Variants in RNF169 observed in about 807,000 individuals in gnomAD.
RNF169 encodes ring finger protein 169.
Under a neutral mutation model 53.9 loss-of-function variants are expected in RNF169, and 24 were observed. The ratio of observed to expected loss-of-function variants is 0.45; its 90% CI spans 0.32 to 0.63. The LOEUF (loss-of-function observed/expected upper bound fraction) is 0.63, where lower values mean the gene tolerates loss of function less well. Among genes scored for constraint, RNF169 ranks in the 20% least tolerant of loss-of-function variants. The probability of loss-of-function intolerance (pLI) is 0.04; values close to 1 mark genes in which losing one functional copy is unlikely to be tolerated. For synonymous variants in RNF169, 396 were observed against 363.5 expected (o/e 1.09, Z -1.02); for missense variants, 883 against 906.2 (o/e 0.97, Z 0.33).
chr11:74,753,577 T>C lies in RNF169; in HGVS notation c.502+4195T>C, dbSNP rs554022984. Among the ~76,000 whole-genome samples, 7 of 152,354 alleles carry C rather than the reference T, an allele frequency of 4.6e-5. No individual in the cohort carries two copies. In the South Asian group the frequency reaches 1.4e-3, roughly 32 times the overall value. ...AACAGCAATTACTTTTGTACCAGCCTAATAGCAATTTTAGTAATATTCAGA... is the reference window on the plus strand; with the variant it reads ...AACAGCAATTACTTTTGTACCAGCCCAATAGCAATTTTAGTAATATTCAGA... On this transcript the variant is annotated intron_variant, in intron 1 of 5. Coordinates refer to ENST00000299563, the MANE Select transcript of RNF169 (RefSeq NM_001098638.2).
At chr11:74,774,587 A>G (rs892994923) in intron 1 of RNF169, among the ~76,000 whole-genome samples, 3 of 152,098 alleles carry the variant, frequency 2.0e-5, no homozygotes, top group East Asian at 3.9e-4. Context: ...TGGTGACTTT[A>G]TTAAGAGCAG....
intron 1 of RNF169, among the ~76,000 whole-genome samples, chr11:74,750,865 G>GTT (rs35173529): frequency 0.014 from 835 of 60,164 alleles, 157 homozygotes; most frequent in African/African-American, 0.019. Flanking sequence ...GCCTCCCAAG[G>GTT]TTTTTTTTTT....
intron 2 of RNF169, among the ~76,000 whole-genome samples, chr11:74,801,545 A>G (rs2035729213): frequency 6.6e-6 from 1 of 152,202 alleles, no homozygotes; most frequent in African/African-American, 2.4e-5. Context: ...ACCAGCTTGT[A>G]TTATATTCCT....
At chr11:74,785,873 A>C (rs1011059658) in intron 1 of RNF169, among the ~76,000 whole-genome samples, 1 of 152,148 alleles carries the variant, frequency 6.6e-6, no homozygotes, top group Non-Finnish European at 1.5e-5. Context: ...TTAATATCCC[A>C]AAGTGAATTT....
At chr11:74,830,999 A>G (rs900466518) in intron 4 of RNF169, 1 of 152,166 alleles carries the variant, frequency 6.6e-6, no homozygotes, top group African/African-American at 2.4e-5. Flanking sequence ...AAATAAGAGA[A>G]CTTCAGTCTT....
chr11:74,818,467 A>G (rs1004053601), intron 4 of RNF169, among the ~76,000 whole-genome samples: 2 of 151,890 alleles, frequency 1.3e-5, no homozygotes, highest in African/African-American at 4.8e-5. Context: ...ATCATGGTTC[A>G]CTGTAGCCTC....
intron 2 of RNF169, among the ~76,000 whole-genome samples, chr11:74,790,582 C>T (rs764401806): frequency 6.6e-5 from 10 of 152,164 alleles, no homozygotes; most frequent in East Asian, 3.9e-4. Flanking sequence ...GTGCTCAGCT[C>T]GCACTACCAG....
chr11:74,761,991 C>T (rs1259824976), intron 1 of RNF169, among the ~76,000 whole-genome samples: 41 of 145,178 alleles, frequency 2.8e-4, no homozygotes, highest in Non-Finnish European at 4.9e-4. Flanking sequence ...TTCTTGGAGG[C>T]TTTGCTCATT....
chr11:74,814,947 TTTA>T (rs1239995105), intron 3 of RNF169, among the ~76,000 whole-genome samples: 1 of 152,198 alleles, frequency 6.6e-6, no homozygotes, highest in Non-Finnish European at 1.5e-5. Context: ...AAGGTTTATA[TTTA>T]TTATAGGTTT....
At chr11:74,829,379 TC>T (rs2135145103) in intron 4 of RNF169, among the ~76,000 whole-genome samples, 1 of 152,328 alleles carries the variant, frequency 6.6e-6, no homozygotes, top group Admixed American at 6.5e-5. Flanking sequence ...AAGGAACACT[TC>T]TACATTGTTG....
At chr11:74,761,505 T>C (rs1245723431) in intron 1 of RNF169, among the ~76,000 whole-genome samples, 1 of 150,392 alleles carries the variant, frequency 6.6e-6, no homozygotes, top group East Asian at 2.0e-4. Context: ...AGGGCAGGCC[T>C]GGTGGTGACA....
intron 4 of RNF169, among the ~76,000 whole-genome samples, chr11:74,825,040 A>G (rs1157728612): frequency 6.6e-6 from 1 of 152,222 alleles, no homozygotes; most frequent in Non-Finnish European, 1.5e-5. Flanking sequence ...ACAGTAAACA[A>G]GAGAGCTGGA....
At chr11:74,761,518 ATC>A (rs1350509260) in intron 1 of RNF169, among the ~76,000 whole-genome samples, 1 of 146,254 alleles carries the variant, frequency 6.8e-6, no homozygotes, top group African/African-American at 2.5e-5. Flanking sequence ...TGGTGACAAA[ATC>A]TCTCAGCATT....
At chr11:74,827,623 G>A (rs2036117684) in intron 4 of RNF169, among the ~76,000 whole-genome samples, 1 of 152,020 alleles carries the variant, frequency 6.6e-6, no homozygotes, top group African/African-American at 2.4e-5. Context: ...GATGAGATTT[G>A]GGTGGGGACA....
At chr11:74,799,187 TTC>T (rs2035694545) in intron 2 of RNF169, among the ~76,000 whole-genome samples, 1 of 151,858 alleles carries the variant, frequency 6.6e-6, no homozygotes, top group Non-Finnish European at 1.5e-5. Flanking sequence ...GCATATCTCT[TTC>T]TAGAACCAGA....
chr11:74,827,676 G>GTA (rs1565187439), intron 4 of RNF169, among the ~76,000 whole-genome samples: 1 of 151,996 alleles, frequency 6.6e-6, no homozygotes, highest in African/African-American at 2.4e-5. Flanking sequence ...GTGGTTCAGC[G>GTA]TAGGCAAATC....
chr11:74,766,470 A>G (rs999359815), intron 1 of RNF169, among the ~76,000 whole-genome samples: 1 of 152,198 alleles, frequency 6.6e-6, no homozygotes, highest in Non-Finnish European at 1.5e-5. Context: ...TGCCGGCTGG[A>G]TATTTGTTGG....
intron 1 of RNF169, among the ~76,000 whole-genome samples, chr11:74,778,204 T>C (rs2035364773): frequency 6.6e-6 from 1 of 152,240 alleles, no homozygotes; most frequent in Non-Finnish European, 1.5e-5. Flanking sequence ...GCATTATAAA[T>C]GTTTTGGGGA....
chr11:74,761,820 C>G (rs1246900963), intron 1 of RNF169, among the ~76,000 whole-genome samples: 39 of 145,556 alleles, frequency 2.7e-4, no homozygotes, highest in African/African-American at 9.8e-4. Context: ...TTGTGGCGTT[C>G]TCTGTATTTC....
Sources: gnomAD v4.1 joint callset for allele counts (sites outside exome capture counted in the v4.1 genomes callset) on GRCh38, gnomAD v4.1.1 for gene constraint, MANE v1.5 for transcripts, NCBI Gene and HGNC (gene_info 2026-07-23, HGNC 2026-07-21) for gene names.